The following ZNF280A variants were observed in gnomAD, a reference collection of about 807,000 sequenced individuals.
ZNF280A encodes suppressor of hairy wing homolog 1.
A neutral mutation model predicts 35.9 loss-of-function variants in ZNF280A; 26 were observed. That is an observed-to-expected ratio of 0.72 (90% confidence interval 0.53 to 1.01). ZNF280A has a LOEUF of 1.01. Ranked by LOEUF, ZNF280A falls within the 50% of genes least tolerant of loss-of-function variation. The pLI is 0.00. For synonymous variants in ZNF280A, 231 were observed against 232.9 expected (o/e 0.99, Z 0.07); for missense variants, 654 against 652.0 (o/e 1.00, Z -0.03).
In ZNF280A at chr22:22,515,298, T is replaced by G. The variant is rs1013962903; in HGVS notation, c.333A>C (p.Thr111=). ...MPVSLSEGRS[T]DSPVTMKSSS... is the part of the protein sequence containing the mutation. ...AAGACTTCATAGTGACAGGACTATC[T>G]GTCGATCGCCCCTCAGACAGAGAAA... The change falls in exon 2 of 2, where the codon ACA becomes ACC. Residue 111 remains threonine, a synonymous_variant. Transcript: ENST00000302097. 1.9e-6 allele frequency: 3 copies of G among 1,613,776 alleles called. No individual in the cohort carries two copies. The highest frequency in any genetic ancestry group is 2.5e-6 in the Non-Finnish European group (3 of 1,179,968).
Position 22,513,755 on chromosome 22 carries a change from T to C in ZNF280A, c.*247A>G. 2.3e-6 allele frequency: 1 copy of C among 426,788 alleles called. No homozygotes were observed. Among genetic ancestry groups the C allele is most frequent in the Non-Finnish European group, 4.1e-6 (1 of 244,542 alleles). 26.4% of individuals were successfully genotyped at this position (426,788 alleles called of 1,614,324 possible). A position where few individuals can be genotyped will look rare whatever the true frequency, so the allele number is the denominator to read the frequency against. On this transcript the variant is annotated 3_prime_UTR_variant, in exon 2 of 2. Transcript: ENST00000302097. Reference sequence around the variant, plus strand: ...AGAATCTTTGTGTGATTCCATTTATTTAAAGTTCATGAACAAGAAAAACCT... The same window carrying C: ...AGAATCTTTGTGTGATTCCATTTATCTAAAGTTCATGAACAAGAAAAACCT...
Position 22,513,929 on chromosome 22 carries a change from A to T in ZNF280A, c.*73T>A. 1.2e-6 allele frequency: 1 copy of T among 853,046 alleles called. No individual in the cohort carries two copies. Among genetic ancestry groups the T allele is most frequent in the Non-Finnish European group, 1.9e-6 (1 of 529,102 alleles). 52.8% of individuals were successfully genotyped at this position (853,046 alleles called of 1,614,324 possible). A position where few individuals can be genotyped will look rare whatever the true frequency, so the allele number is the denominator to read the frequency against. ...TTGATGACATTGCTTGCTAGCATCT[A>T]CAGCCACAATGCACATATGGCCTAG... is the stretch of plus-strand genomic sequence containing the variant. On this transcript the variant is annotated 3_prime_UTR_variant, in exon 2 of 2. Coordinates refer to ENST00000302097, the MANE Select transcript of ZNF280A (RefSeq NM_080740.5).
chr22:22,515,071 A>G lies in ZNF280A; in HGVS notation c.560T>C (p.Ile187Thr). The G allele has an allele frequency of 6.2e-7, 1 of 1,613,920 alleles. No homozygotes were observed. Among genetic ancestry groups the G allele is most frequent in the South Asian group, 1.1e-5 (1 of 91,076 alleles). ...DSKRVKLRDG[I>T]PGVPSLAVVP... The stretch of plus-strand genomic sequence containing the variant: ...CACAGCTAAAGAAGGTACCCCTGGG[A>G]TTCCATCCCTGAGTTTAACCCTTTT... Residue 187 changes from isoleucine (I) to threonine (T), a missense_variant, in exon 2 of 2, where the codon ATC (isoleucine) becomes ACC (threonine). Transcript: ENST00000302097.
chr22:22,519,428 C>T lies in ZNF280A; in HGVS notation c.-72+661G>A, dbSNP rs551850575. On this transcript the variant is annotated intron_variant, in intron 1 of 1. Coordinates refer to ENST00000302097, the MANE Select transcript of ZNF280A (RefSeq NM_080740.5). ...AGCCTGGGCGGCCAGAGTGAAACTC[C>T]GTTTCAAAAAAATAAATTAATAAAT... 7.2e-5 allele frequency among the ~76,000 whole-genome samples: 11 copies of T among 151,786 alleles called. No homozygotes were observed. In the South Asian group the frequency reaches 2.1e-3, roughly 29 times the overall value.
Position 22,514,786 on chromosome 22 carries a change from C to G in ZNF280A, c.845G>C (p.Gly282Ala). The change falls in exon 2 of 2, where the codon GGA (glycine) becomes GCA (alanine). Residue 282 changes from glycine to alanine, a missense_variant. Transcript: ENST00000302097. ...CGGCTGCCCATCTCCTTTATGCTGT[C>G]CATAGTAAAAGTCGCTAAGTAACAC... Reference protein sequence around the residue: ...PIVLLSDFYYGQHKGDGQPEQ... With the variant: ...PIVLLSDFYYAQHKGDGQPEQ... 6.2e-7 allele frequency: 1 copy of G among 1,613,880 alleles called. No individual in the cohort carries two copies.
chr22:22,518,070 C>T (rs6002612), intron 1 of ZNF280A, among the ~76,000 whole-genome samples: 8 of 151,610 alleles, frequency 5.3e-5, no homozygotes, highest in Non-Finnish European at 7.4e-5. Context: ...GGACTACAGG[C>T]GCCCGCCACC....
In ZNF280A at chr22:22,514,715, C is replaced by T. The variant is rs1211407495; in HGVS notation, c.916G>A (p.Val306Ile). ...TTCATAAACTTAATATTTTTTAGAA[C>T]TTTCACGCAGCTGAGGCATTTAAAG... ...TTFKCLSCVK[V>I]LKNIKFMNHM... The change falls in exon 2 of 2, where the codon GTT (valine) becomes ATT (isoleucine). Residue 306 changes from valine (V) to isoleucine (I), a missense_variant. By Grantham distance (29) the Val-to-Ile change is conservative. Coordinates refer to ENST00000302097, the MANE Select transcript of ZNF280A (RefSeq NM_080740.5). 2 of 1,613,786 alleles carry T rather than the reference C, an allele frequency of 1.2e-6. No homozygotes were observed. The highest frequency in any genetic ancestry group is 2.7e-5 in the African/African-American group (2 of 74,864).
Position 22,513,841 on chromosome 22 carries a change from T to C in ZNF280A, c.*161A>G. On this transcript the variant is annotated 3_prime_UTR_variant, in exon 2 of 2. Coordinates refer to ENST00000302097, the MANE Select transcript of ZNF280A (RefSeq NM_080740.5). Reference sequence around the variant, plus strand: ...TTTGACTGGGAAAGGGCTCAAAGACTTTGGAGCTACTTCTTGACAATAGGG... The same window carrying C: ...TTTGACTGGGAAAGGGCTCAAAGACCTTGGAGCTACTTCTTGACAATAGGG... The C allele has an allele frequency of 1.7e-6, 1 of 574,578 alleles. No homozygotes were observed. Among genetic ancestry groups the C allele is most frequent in the Non-Finnish European group, 3.1e-6 (1 of 327,288 alleles). 35.6% of individuals were successfully genotyped at this position (574,578 alleles called of 1,614,324 possible).
In ZNF280A at chr22:22,519,672, T is replaced by A. The variant is rs80073196; in HGVS notation, c.-72+417A>T. Among the ~76,000 whole-genome samples, 985 of 151,996 alleles carry A rather than the reference T, an allele frequency of 6.5e-3. 9 individuals are homozygous for A. The highest frequency in any genetic ancestry group is 0.023 in the African/African-American group (953 of 41,478). On this transcript the variant is annotated intron_variant, in intron 1 of 1. Coordinates refer to ENST00000302097, the MANE Select transcript of ZNF280A (RefSeq NM_080740.5). ...ACTTTGGGGCCATTATTAAGTACCA[T>A]AAGGGTTAATTGAACACAAGCACTG...
intron 1 of ZNF280A, among the ~76,000 whole-genome samples, chr22:22,519,640 C>T (rs1262326581): frequency 6.6e-6 from 1 of 151,928 alleles, no homozygotes; most frequent in East Asian, 2.0e-4. Context: ...AGCATTGCTA[C>T]CCTTGTACTT....
At chr22:22,518,578 A>T (rs2062102168) in intron 1 of ZNF280A, among the ~76,000 whole-genome samples, 1 of 151,602 alleles carries the variant, frequency 6.6e-6, no homozygotes, top group Admixed American at 6.6e-5. Context: ...ACTTGAGCTC[A>T]GGAGTTCGAG....
chr22:22,514,685 T>C lies in ZNF280A; in HGVS notation c.946A>G (p.Met316Val), dbSNP rs767173077. ...VLKNIKFMNH[M>V]KHHLEFEKQR... ...TTCTCAAATTCCAAATGATGCTTCA[T>C]GTGATTCATAAACTTAATATTTTTT... Residue 316 changes from methionine (M) to valine (V), a missense_variant, in exon 2 of 2, where the codon ATG (methionine) becomes GTG (valine). Physicochemically the swap from Met to Val is conservative, Grantham distance 21. Coordinates refer to ENST00000302097, the MANE Select transcript of ZNF280A (RefSeq NM_080740.5). 2.8e-5 allele frequency: 45 copies of C among 1,613,844 alleles called. No individual in the cohort carries two copies. The highest frequency in any genetic ancestry group is 6.7e-5 in the East Asian group (3 of 44,798).
chr22:22,514,168 C>G lies in ZNF280A; in HGVS notation c.1463G>C (p.Ser488Thr), dbSNP rs1413869938. 6.2e-7 allele frequency: 1 copy of G among 1,613,796 alleles called. No individual in the cohort carries two copies. Among genetic ancestry groups the G allele is most frequent in the Non-Finnish European group, 8.5e-7 (1 of 1,179,964 alleles). Reference protein sequence around the residue: ...KKPEQLQGLPSETKVIIQTSV... With the variant: ...KKPEQLQGLPTETKVIIQTSV... The stretch of plus-strand genomic sequence containing the variant: ...AGTTTGAATAATAACTTTTGTTTCA[C>G]TAGGCAACCCTTGCAGTTGCTCCGG... The change falls in exon 2 of 2, where the codon AGT becomes ACT. Residue 488 changes from serine to threonine, a missense_variant. Physicochemically the swap from Ser to Thr is moderately conservative, Grantham distance 58. Coordinates refer to ENST00000302097, the MANE Select transcript of ZNF280A (RefSeq NM_080740.5).
Position 22,515,196 on chromosome 22 carries a change from A to G in ZNF280A, c.435T>C (p.Thr145=), listed in dbSNP as rs145445818. The G allele has an allele frequency of 6.0e-3, 9,705 of 1,613,844 alleles. 59 individuals are homozygous for G. Among genetic ancestry groups the G allele is most frequent in the Non-Finnish European group, 7.3e-3 (8,638 of 1,179,900 alleles). Residue 145 remains threonine, a synonymous_variant, in exon 2 of 2, where the codon ACT becomes ACC. Transcript: ENST00000302097. ...AGACCATAGCTCCAACTAGACACTG[A>G]GTCCCTGGGGGGAGCGAGTCTGAGG... ...PSSSDSLPPG[T]QCLVGAMVSG...
chr22:22,515,544 A>T lies in ZNF280A; in HGVS notation c.87T>A (p.Asp29Glu), dbSNP rs1555947806. ...CCACCCCAACATAGATCAGATCTGG[A>T]TCTTCATCATCCTCCTCCCTTTGTT... is the stretch of plus-strand genomic sequence containing the variant. ...ESKQREEDDE[D>E]PDLIYVGVEH... The change falls in exon 2 of 2, where the codon GAT (aspartate) becomes GAA (glutamate). Residue 29 changes from aspartate to glutamate, a missense_variant. Transcript: ENST00000302097. The T allele has an allele frequency of 6.2e-7, 1 of 1,613,610 alleles. No individual in the cohort carries two copies. The highest frequency in any genetic ancestry group is 1.3e-5 in the African/African-American group (1 of 74,978).
At chr22:22,516,048 ACTT>A (rs2062065191) in intron 1 of ZNF280A, among the ~76,000 whole-genome samples, 1 of 151,676 alleles carries the variant, frequency 6.6e-6, no homozygotes, top group Non-Finnish European at 1.5e-5. Flanking sequence ...CTTGAACAAA[ACTT>A]CTCTCAAAAA....
rs777272015 is a variant in ZNF280A, at chr22:22,515,084, G to T, written c.547C>A (p.Leu183Ile). ...GGTACCCCTGGGATTCCATCCCTGA[G>T]TTTAACCCTTTTGGAATCTCTGCTG... ...INSRDSKRVK[L>I]RDGIPGVPSL... Residue 183 changes from leucine (L) to isoleucine (I), a missense_variant, in exon 2 of 2, where the codon CTC becomes ATC. Leu to Ile is a conservative substitution (Grantham distance 5). Coordinates refer to ENST00000302097, the MANE Select transcript of ZNF280A (RefSeq NM_080740.5). The T allele has an allele frequency of 4.3e-6, 7 of 1,613,800 alleles. No homozygotes were observed. In the African/African-American group the frequency reaches 9.4e-5, roughly 22 times the overall value.
At chr22:22,516,297 G>A (rs361589) in intron 1 of ZNF280A, among the ~76,000 whole-genome samples, 78,874 of 148,870 alleles carry the variant, frequency 0.53, 22,818 homozygotes, top group African/African-American at 0.78. Flanking sequence ...ACAAATCACA[G>A]CACACACACA....
chr22:22,513,859 C>T lies in ZNF280A; in HGVS notation c.*143G>A, dbSNP rs1006292277. On this transcript the variant is annotated 3_prime_UTR_variant, in exon 2 of 2. Coordinates refer to ENST00000302097, the MANE Select transcript of ZNF280A (RefSeq NM_080740.5). The stretch of plus-strand genomic sequence containing the variant: ...CAAAGACTTTGGAGCTACTTCTTGA[C>T]AATAGGGAGCTGATGAGATGTCACT... 27 of 607,212 alleles carry T rather than the reference C, an allele frequency of 4.4e-5. No homozygotes were observed. The highest frequency in any genetic ancestry group is 3.7e-4 in the African/African-American group (20 of 54,340). The allele number at this position is 607,212 out of a possible 1,614,324, so 37.6% of individuals were successfully genotyped here.
Sources: allele counts gnomAD v4.1 joint callset (sites outside exome capture counted in the v4.1 genomes callset), GRCh38; gene constraint gnomAD v4.1.1; transcripts MANE v1.5; gene names NCBI Gene and HGNC (gene_info 2026-07-23, HGNC 2026-07-21).